FBXO3: variants seen among roughly 807,000 people sequenced by gnomAD.
FBXO3 encodes F-box only protein 3.
Under a neutral mutation model 64.8 loss-of-function variants are expected in FBXO3, and 17 were observed. That is an observed-to-expected ratio of 0.26 (90% CI 0.18 to 0.39). The LOEUF (loss-of-function observed/expected upper bound fraction) is 0.39, where lower values mean the gene tolerates loss of function less well. Among genes scored for constraint, FBXO3 ranks in the 10% least tolerant of loss-of-function variants. The pLI, the probability that FBXO3 is intolerant of heterozygous loss-of-function variation, is 1.00. For missense variants in FBXO3, 420 were observed against 589.9 expected (o/e 0.71, Z 2.98); for synonymous variants, 182 against 201.6 (o/e 0.90, Z 0.82).
intron 10 of FBXO3, chr11:33,742,433 A>T (rs1179121403): frequency 6.0e-6 from 1 of 166,700 alleles, no homozygotes; most frequent in Non-Finnish European, 1.3e-5. Context: ...CCTCCCGAGT[A>T]GCTGGGACTA....
At chr11:33,756,669 G>A (rs757457060) in intron 4 of FBXO3, among the ~76,000 whole-genome samples, 6 of 152,102 alleles carry the variant, frequency 3.9e-5, no homozygotes, top group Admixed American at 6.5e-5. Context: ...CAGTTCAATA[G>A]GAAAAAATAG....
At chr11:33,758,085 G>C (rs1454717719) in intron 4 of FBXO3, among the ~76,000 whole-genome samples, 2 of 152,084 alleles carry the variant, frequency 1.3e-5, no homozygotes, top group Admixed American at 6.6e-5. Flanking sequence ...TGCAGCTCTG[G>C]ACAAATGATT....
chr11:33,774,482 T>G lies in FBXO3; in HGVS notation c.16A>C (p.Thr6Pro). The change falls in exon 1 of 11, where the codon ACC (threonine) becomes CCC (proline). Residue 6 changes from threonine to proline, a missense_variant. Physicochemically the swap from Thr to Pro is conservative, Grantham distance 38. Around this residue, in one of 3 missense-constraint regions of FBXO3, gnomAD observed 26 missense variants for 16.1 expected, o/e 1.62. Transcript: ENST00000265651. ...TCTAGGGTCAGCGGCGCCGTCTCGG[T>G]CTCCATGGCCGCCATCTTGCCTGGC... is the stretch of plus-strand genomic sequence containing the variant. MAAME[T>P]ETAPLTLESL... 1.3e-6 allele frequency: 2 copies of G among 1,574,514 alleles called. No homozygotes were observed. Among genetic ancestry groups the G allele is most frequent in the African/African-American group, 2.8e-5 (2 of 72,602 alleles).
In FBXO3 at chr11:33,741,863, T is replaced by C; in HGVS notation, c.*45A>G. On this transcript the variant is annotated 3_prime_UTR_variant, in exon 11 of 11. Transcript: ENST00000265651. Reference sequence around the variant, plus strand: ...TATTTACATTATTGAGAAATCTATTTAACAGCCTAGAATCATCCTAGTGCT... The same window carrying C: ...TATTTACATTATTGAGAAATCTATTCAACAGCCTAGAATCATCCTAGTGCT... The C allele has an allele frequency of 6.5e-7, 1 of 1,535,858 alleles. No homozygotes were observed. Among genetic ancestry groups the C allele is most frequent in the Non-Finnish European group, 8.7e-7 (1 of 1,143,334 alleles).
chr11:33,754,943 A>G (rs1006910788), intron 5 of FBXO3, among the ~76,000 whole-genome samples: 35 of 148,176 alleles, frequency 2.4e-4, no homozygotes, highest in Non-Finnish European at 3.4e-4. Context: ...TCAGCTCACT[A>G]TGACCTCCGC....
chr11:33,742,426 C>T (rs831593), intron 10 of FBXO3: 6,404 of 167,780 alleles, frequency 0.038, 274 homozygotes, highest in East Asian at 0.18. Flanking sequence ...ACCTCATCCT[C>T]CCGAGTAGCT....
chr11:33,769,134 C>T (rs1406541425), intron 2 of FBXO3, 120 bp from the exon 3 acceptor site: 9 of 860,506 alleles, frequency 1.0e-5, no homozygotes, highest in Admixed American at 3.4e-5. Flanking sequence ...ATTTTAGCCA[C>T]AAATGAAGAT....
chr11:33,768,690 A>G, intron 3 of FBXO3, 161 bp downstream of exon 3: 1 of 765,636 alleles, frequency 1.3e-6, no homozygotes. Flanking sequence ...GGTAAGCACT[A>G]GAGTGAAGGT....
At chr11:33,754,367 A>G in intron 6 of FBXO3, 88 bp downstream of exon 6, 4 of 1,102,196 alleles carry the variant, frequency 3.6e-6, no homozygotes, top group South Asian at 1.6e-5. Flanking sequence ...CAGCTGCTAA[A>G]GTAGCTGAAA....
chr11:33,754,431 A>C, intron 6 of FBXO3, 24 bp downstream of exon 6: 3 of 1,562,348 alleles, frequency 1.9e-6, no homozygotes, highest in Non-Finnish European at 2.6e-6. Context: ...AAGAAGGGGG[A>C]AAAAAGACTT....
intron 9 of FBXO3, among the ~76,000 whole-genome samples, chr11:33,748,416 C>T (rs1854870807): frequency 6.6e-6 from 1 of 151,960 alleles, no homozygotes; most frequent in Admixed American, 6.6e-5. Context: ...CAATGGTAAC[C>T]AGAATTAAAG....
chr11:33,754,650 G>C (rs1353288298), intron 5 of FBXO3, 150 bp from the exon 6 acceptor site: 3 of 603,116 alleles, frequency 5.0e-6, no homozygotes, highest in South Asian at 3.4e-5. Context: ...TAGAAGAAAG[G>C]GTTCTGAATC....
At chr11:33,757,515 T>TAAAA (rs35494216) in intron 4 of FBXO3, among the ~76,000 whole-genome samples, 1 of 97,362 alleles carries the variant, frequency 1.0e-5, no homozygotes. Flanking sequence ...AAACAAATCT[T>TAAAA]AAAAAAAAAA....
At position 33,765,463 on chromosome 11, in the gene FBXO3, G is replaced by A. The variant is rs7110506; in HGVS notation, c.358+3388C>T. ...CTAAGAATTTCTTGAAGAAGAGAGA[G>A]AGACAAAAATAGACATGGCAAAAAG... is the stretch of plus-strand genomic sequence containing the variant. On this transcript the variant is annotated intron_variant, in intron 3 of 10. Transcript: ENST00000265651. 5.9e-3 allele frequency among the ~76,000 whole-genome samples: 899 copies of A among 152,246 alleles called. 15 individuals are homozygous for A. Among genetic ancestry groups the A allele is most frequent in the African/African-American group, 0.02 (839 of 41,528 alleles).
At chr11:33,749,825 C>G (rs936228165) in intron 8 of FBXO3, among the ~76,000 whole-genome samples, 2 of 152,066 alleles carry the variant, frequency 1.3e-5, no homozygotes, top group African/African-American at 4.8e-5. Flanking sequence ...AACAAGTAAA[C>G]GACAAATATC....
intron 6 of FBXO3, 41 bp downstream of exon 6, chr11:33,754,414 G>T: frequency 6.8e-7 from 1 of 1,474,504 alleles, no homozygotes; most frequent in Non-Finnish European, 9.2e-7. Context: ...TTATATCCAG[G>T]AAGAAGAAGA....
intron 2 of FBXO3, 39 bp from the exon 3 acceptor site, chr11:33,769,053 A>G: frequency 1.3e-6 from 2 of 1,522,980 alleles, no homozygotes; most frequent in African/African-American, 1.4e-5. Context: ...AATCTTTTAA[A>G]ATAATATTAG....
chr11:33,756,834 A>C (rs1460102048), intron 4 of FBXO3, among the ~76,000 whole-genome samples: 1 of 152,018 alleles, frequency 6.6e-6, no homozygotes, highest in African/African-American at 2.4e-5. Context: ...GGCTCAAGAG[A>C]TCCACAGCTC....
At chr11:33,746,878 C>T (rs1854825422) in intron 10 of FBXO3, 1 of 1,415,980 alleles carries the variant, frequency 7.1e-7, no homozygotes, top group Admixed American at 3.1e-5. Flanking sequence ...TTCTCATAAT[C>T]TACATTTAGG....
Sources: allele counts gnomAD v4.1 joint callset (sites outside exome capture counted in the v4.1 genomes callset), GRCh38; gene constraint gnomAD v4.1.1; regional missense constraint gnomAD v4.1.1; transcripts MANE v1.5; gene names NCBI Gene and HGNC (gene_info 2026-07-23, HGNC 2026-07-21).